Variants in TRRAP observed in about 807,000 individuals in gnomAD.
TRRAP encodes transformation/transcription domain associated protein, also known as transformation/transcription domain-associated protein.
A neutral mutation model predicts 438.8 loss-of-function variants in TRRAP; 41 were observed. That is an observed-to-expected ratio of 0.09 (90% CI 0.07 to 0.12). TRRAP has a LOEUF of 0.12. TRRAP is among the 10% of genes least tolerant of loss of function. The probability of loss-of-function intolerance (pLI) is 1.00; values close to 1 mark genes in which losing one functional copy is unlikely to be tolerated. For missense variants in TRRAP, 3,122 were observed against 5,055.1 expected (o/e 0.62, Z 11.60); for synonymous variants, 1,994 against 1,962.9 (o/e 1.02, Z -0.42).
At chr7:98,995,520 T>G (rs983998165) in intron 67 of TRRAP, among the ~76,000 whole-genome samples, 3 of 152,050 alleles carry the variant, frequency 2.0e-5, no homozygotes, top group Non-Finnish European at 4.4e-5. Context: ...TTCAGATTAA[T>G]GCGTTTTCCT....
At position 98,948,177 on chromosome 7, in the gene TRRAP, C is replaced by A; in HGVS notation, c.4549-44C>A. ...TAGTGACGTTGACCTCTGTCACTTGCAAAATTAATCGACCTGTTTATAATT... is the reference window on the plus strand; with the variant it reads ...TAGTGACGTTGACCTCTGTCACTTGAAAAATTAATCGACCTGTTTATAATT... On this transcript the variant is annotated intron_variant, in intron 33 of 72. Transcript: ENST00000456197. This position sits in a 1 kb window ranked among gnomAD's most constrained non-coding sequence, Gnocchi z 4.9. The A allele has an allele frequency of 1.2e-6, 2 of 1,611,170 alleles. No homozygotes were observed. The highest frequency in any genetic ancestry group is 2.2e-5 in the East Asian group (1 of 44,876).
intron 30 of TRRAP, among the ~76,000 whole-genome samples, chr7:98,940,273 C>G (rs1478131982): frequency 9.9e-5 from 15 of 152,088 alleles, no homozygotes; most frequent in Non-Finnish European, 1.9e-4. Flanking sequence ...ACTGGAACCT[C>G]TGCCACCTGG....
intron 64 of TRRAP, 120 bp from the exon 65 acceptor site, chr7:98,992,017 G>T: frequency 3.7e-6 from 4 of 1,094,190 alleles, no homozygotes; most frequent in South Asian, 1.3e-5. Context: ...TTGCTTCCTT[G>T]GTCCAAAGGC....
chr7:98,885,936 C>T (rs1668077004), intron 3 of TRRAP, among the ~76,000 whole-genome samples: 1 of 152,188 alleles, frequency 6.6e-6, no homozygotes, highest in Non-Finnish European at 1.5e-5. Flanking sequence ...TTGCAATTAG[C>T]AGGTTACCTC....
intron 1 of TRRAP, among the ~76,000 whole-genome samples, chr7:98,879,109 C>G (rs1266969714): frequency 2.0e-5 from 3 of 152,302 alleles, no homozygotes; most frequent in Admixed American, 1.3e-4. Flanking sequence ...CCCCCTCTGG[C>G]CCGGCGGCGC....
At chr7:98,907,238 G>A (rs782796974) in intron 13 of TRRAP, among the ~76,000 whole-genome samples, 12 of 151,950 alleles carry the variant, frequency 7.9e-5, no homozygotes, top group Non-Finnish European at 1.0e-4. Flanking sequence ...CAGGGGAATC[G>A]CTTGAACCCA....
rs187180068 is a variant in TRRAP, at chr7:99,005,661, G to A, written c.10753+313G>A. Among the ~76,000 whole-genome samples, 45 of 152,232 alleles carry A rather than the reference G, an allele frequency of 3.0e-4. No homozygotes were observed. In the East Asian group the frequency reaches 8.3e-3, roughly 28 times the overall value. On this transcript the variant is annotated intron_variant, in intron 69 of 72. Coordinates refer to ENST00000456197, the MANE Select transcript of TRRAP (RefSeq NM_001375524.1). The surrounding 1 kb of genome is among the most constrained non-coding windows in gnomAD (Gnocchi z 5.1). Reference sequence around the variant, plus strand: ...CGACACAAATTCGTCAACTTTCTTAGGACATTATGAGATTTCTTTTTCTTT... The same window carrying A: ...CGACACAAATTCGTCAACTTTCTTAAGACATTATGAGATTTCTTTTTCTTT...
intron 67 of TRRAP, among the ~76,000 whole-genome samples, chr7:98,997,483 C>CAAAAAAAAAAAAAAA (rs61132070): frequency 1.2e-4 from 5 of 42,622 alleles, no homozygotes; most frequent in East Asian, 1.1e-3. Flanking sequence ...ACTGCTGTTG[C>CAAAAAAAAAAAAAAA]AAAAAAAAAA....
chr7:98,937,882 A>C lies in TRRAP; in HGVS notation c.4404+62A>C. On this transcript the variant is annotated intron_variant, in intron 30 of 72. Transcript: ENST00000456197. The stretch of plus-strand genomic sequence containing the variant: ...TTCAAAAAATTAAATTATTTTAAAA[A>C]TAAATAATGCAGCTGGGCACAGTGG... The C allele has an allele frequency of 2.0e-6, 3 of 1,486,538 alleles. No homozygotes were observed. In the South Asian group the frequency reaches 4.0e-5, roughly 20 times the overall value. The allele number at this position is 1,486,538 out of a possible 1,614,324, so 92.1% of individuals were successfully genotyped here. A position where few individuals can be genotyped will look rare whatever the true frequency, so the allele number is the denominator to read the frequency against.
Position 99,011,058 on chromosome 7 carries a change from C to T in TRRAP, c.10945C>T (p.Arg3649Cys), listed in dbSNP as rs1472528832. Reference protein sequence around the residue: ...RGTQASHQVLRDILKEVQSNM... With the variant: ...RGTQASHQVLCDILKEVQSNM... ...ACGGAGCGCTGTGTTTCAGGTCCTCCGCGACATCCTCAAGGAGGTTCAGAG... is the reference window on the plus strand; with the variant it reads ...ACGGAGCGCTGTGTTTCAGGTCCTCTGCGACATCCTCAAGGAGGTTCAGAG... Residue 3649 changes from arginine to cysteine, a missense_variant, in exon 71 of 73, where the codon CGC (arginine) becomes TGC (cysteine). Physicochemically the swap from Arg to Cys is radical, Grantham distance 180. Around this residue, in one of 24 missense-constraint regions of TRRAP, gnomAD observed 192 missense variants for 355.6 expected, o/e 0.54. Transcript: ENST00000456197. This position sits in a 1 kb window ranked among gnomAD's most constrained non-coding sequence, Gnocchi z 7.1. 1.9e-6 allele frequency: 3 copies of T among 1,613,360 alleles called. No homozygotes were observed. The highest frequency in any genetic ancestry group is 8.5e-7 in the Non-Finnish European group (1 of 1,179,440).
At chr7:98,929,923 C>T (rs1253964603) in intron 23 of TRRAP, 66 bp from the exon 24 acceptor site, 1 of 1,538,954 alleles carries the variant, frequency 6.5e-7, no homozygotes, top group African/African-American at 1.4e-5. Context: ...TCAAGGAAAA[C>T]ATTGGGGAGT....
intron 39 of TRRAP, 53 bp downstream of exon 39, chr7:98,951,057 A>ATC: frequency 3.0e-6 from 2 of 662,226 alleles, no homozygotes; most frequent in East Asian, 3.6e-5. Flanking sequence ...GTGGATGAAC[A>ATC]TCTGTGTGTG....
chr7:98,941,781 C>T (rs189496123), intron 30 of TRRAP, among the ~76,000 whole-genome samples: 7 of 152,180 alleles, frequency 4.6e-5, no homozygotes, highest in South Asian at 4.1e-4. Context: ...ACACTGACTC[C>T]GCACGATGTC....
chr7:98,935,797 A>G, intron 28 of TRRAP, 122 bp downstream of exon 28: 1 of 634,116 alleles, frequency 1.6e-6, no homozygotes, highest in Non-Finnish European at 2.5e-6. Context: ...AGTCTTTTTA[A>G]GATGGGATCA....
At position 98,908,767 on chromosome 7, in the gene TRRAP, T is replaced by C. The variant is rs782419470; in HGVS notation, c.1155T>C (p.His385=). ...GCACGCTGGCCGACCTCGTGCACCA[T>C]GTCCGCCAGCACCTGCCCCTCAGCG... The part of the protein sequence containing the change: ...AYSTLADLVH[H]VRQHLPLSDL... The change falls in exon 14 of 73, where the codon CAT becomes CAC. Residue 385 remains histidine (H), a synonymous_variant. Coordinates refer to ENST00000456197, the MANE Select transcript of TRRAP (RefSeq NM_001375524.1). This position sits in a 1 kb window ranked among gnomAD's most constrained non-coding sequence, Gnocchi z 4.1. The C allele has an allele frequency of 3.8e-6, 6 of 1,570,858 alleles. No homozygotes were observed. The African/African-American group carries it at 4.1e-5, about 11-fold the overall frequency.
rs200762615 is a variant in TRRAP at position 98,956,311 on chromosome 7, G to T, written c.6096+7G>T. On this transcript the variant is annotated splice_region_variant and intron_variant, in intron 42 of 72. Transcript: ENST00000456197. This position sits in a 1 kb window ranked among gnomAD's most constrained non-coding sequence, Gnocchi z 4.5. ...GAGGATCAAGGACCAGCAGGTAGGG[G>T]TGTCAGCCTCAGGGGTGCCCCGATC... 5 of 1,614,172 alleles carry T rather than the reference G, an allele frequency of 3.1e-6. No individual in the cohort carries two copies. The highest frequency in any genetic ancestry group is 1.3e-5 in the African/African-American group (1 of 75,074).
intron 32 of TRRAP, 38 bp from the exon 33 acceptor site, chr7:98,945,892 T>A: frequency 6.4e-7 from 1 of 1,560,540 alleles, no homozygotes; most frequent in Non-Finnish European, 8.6e-7. Context: ...TACCTTTCTG[T>A]TGCCTTTTTT....
At chr7:98,935,439 A>G (rs1374451016) in intron 27 of TRRAP, 140 bp from the exon 28 acceptor site, 2 of 666,904 alleles carry the variant, frequency 3.0e-6, no homozygotes, top group East Asian at 5.8e-5. Context: ...TTGATACTTA[A>G]AATCTTTAGG....
rs1554413364 is a variant in TRRAP at position 98,933,220 on chromosome 7, C to T, written c.3853-21C>T. ...CTCAAGGGGCAGCTGGTGAGTGGTG[C>T]CTCCTCCTTGGCTTCCCCAGGTCCT... On this transcript the variant is annotated intron_variant, in intron 26 of 72. Coordinates refer to ENST00000456197, the MANE Select transcript of TRRAP (RefSeq NM_001375524.1). 11 of 1,598,710 alleles carry T rather than the reference C, an allele frequency of 6.9e-6. No individual in the cohort carries two copies. The South Asian group carries it at 1.2e-4, about 18-fold the overall frequency.
Sources: gnomAD v4.1 joint callset for allele counts (sites outside exome capture counted in the v4.1 genomes callset) on GRCh38, gnomAD v4.1.1 for gene constraint, gnomAD v4.1.1 regional missense constraint, Gnocchi (gnomAD v3.1) non-coding constraint, MANE v1.5 for transcripts, NCBI Gene and HGNC (gene_info 2026-07-23, HGNC 2026-07-21) for gene names.